The following PTPRD variants were observed in gnomAD, a reference collection of about 807,000 sequenced individuals.
PTPRD encodes the protein protein tyrosine phosphatase receptor type D, also known as receptor-type tyrosine-protein phosphatase delta.
In PTPRD, 34 loss-of-function variants were observed where a neutral mutation model predicts 214.5. The ratio of observed to expected loss-of-function variants is 0.16; its 90% CI spans 0.12 to 0.21. The LOEUF is 0.21. Ranked by LOEUF, PTPRD falls within the 10% of genes least tolerant of loss-of-function variation. The probability of loss-of-function intolerance (pLI) is 1.00; values close to 1 mark genes in which losing one functional copy is unlikely to be tolerated. For missense variants in PTPRD, 2,545 were observed against 2,398.7 expected (o/e 1.06, Z -1.27); for synonymous variants, 1,128 against 845.7 (o/e 1.33, Z -5.79).
At chr9:9,496,013 G>T (rs2096169271) in intron 8 of PTPRD, among the ~76,000 whole-genome samples, 1 of 152,126 alleles carries the variant, frequency 6.6e-6, no homozygotes, top group Non-Finnish European at 1.5e-5. Flanking sequence ...CAGCTGGCTG[G>T]ATCCTACACT....
chr9:10,506,948 T>C (rs1193301011), intron 2 of PTPRD, among the ~76,000 whole-genome samples: 1 of 152,100 alleles, frequency 6.6e-6, no homozygotes, highest in Non-Finnish European at 1.5e-5. Context: ...TCCTGCCTGA[T>C]TGCCCTGGCC....
chr9:9,615,514 C>A (rs2094806837), intron 7 of PTPRD, among the ~76,000 whole-genome samples: 1 of 152,126 alleles, frequency 6.6e-6, no homozygotes, highest in South Asian at 2.1e-4. Context: ...CTTAGGTTGC[C>A]ATATAAAATT....
intron 4 of PTPRD, among the ~76,000 whole-genome samples, chr9:9,961,118 A>T (rs919369267): frequency 6.6e-6 from 1 of 152,176 alleles, no homozygotes; most frequent in Non-Finnish European, 1.5e-5. Context: ...ACTAGGTTAA[A>T]TGAATTACTG....
At chr9:8,923,261 C>T (rs938447518) in intron 11 of PTPRD, among the ~76,000 whole-genome samples, 7 of 151,930 alleles carry the variant, frequency 4.6e-5, no homozygotes, top group African/African-American at 1.7e-4. Flanking sequence ...AGGCTGGTCT[C>T]GAACTCCTGA....
At chr9:8,411,638 C>G (rs1373290641) in intron 35 of PTPRD, among the ~76,000 whole-genome samples, 1 of 152,148 alleles carries the variant, frequency 6.6e-6, no homozygotes, top group Non-Finnish European at 1.5e-5. Flanking sequence ...AAACATTTTC[C>G]TGAATATTAC....
chr9:8,986,376 C>A (rs1018781643), intron 11 of PTPRD, among the ~76,000 whole-genome samples: 1 of 151,872 alleles, frequency 6.6e-6, no homozygotes. Flanking sequence ...AACAGAACCA[C>A]TAAAATACAA....
At chr9:9,068,144 G>A (rs1024902666) in intron 10 of PTPRD, among the ~76,000 whole-genome samples, 61 of 151,478 alleles carry the variant, frequency 4.0e-4, no homozygotes, top group African/African-American at 1.4e-3. Context: ...TAATTTTCTC[G>A]AGATTCATCC....
intron 14 of PTPRD, among the ~76,000 whole-genome samples, chr9:8,545,072 A>G (rs1343472486): frequency 6.6e-6 from 1 of 151,838 alleles, no homozygotes; most frequent in African/African-American, 2.4e-5. Flanking sequence ...AGCACACACA[A>G]TCGTAGTTTT....
intron 2 of PTPRD, among the ~76,000 whole-genome samples, chr9:10,429,102 A>G (rs1029725742): frequency 1.3e-5 from 2 of 152,080 alleles, no homozygotes; most frequent in African/African-American, 4.8e-5. Context: ...AAATTTATCT[A>G]GAACTAGAAA....
intron 2 of PTPRD, among the ~76,000 whole-genome samples, chr9:10,486,358 T>A (rs11506310): frequency 0.26 from 39,157 of 152,070 alleles, 5,637 homozygotes; most frequent in Non-Finnish European, 0.32. Context: ...AATTTTTGTA[T>A]AAGGTATAAG....
At chr9:10,337,634 T>A (rs1171066362) in intron 3 of PTPRD, among the ~76,000 whole-genome samples, 1 of 151,758 alleles carries the variant, frequency 6.6e-6, no homozygotes, top group Non-Finnish European at 1.5e-5. Context: ...ATTAAAACAA[T>A]GCTTAAGTCA....
At chr9:10,190,414 AAAAAAAC>A (rs1564422118) in intron 3 of PTPRD, among the ~76,000 whole-genome samples, 10 of 76,830 alleles carry the variant, frequency 1.3e-4, no homozygotes, top group African/African-American at 7.4e-4. Context: ...AAAAAAAAAA[AAAAAAAC>A]AAAAAGTCAA....
intron 7 of PTPRD, among the ~76,000 whole-genome samples, chr9:9,645,797 G>A (rs1056236041): frequency 1.3e-5 from 2 of 151,636 alleles, no homozygotes; most frequent in African/African-American, 4.8e-5. Context: ...TCTTTCTCCT[G>A]AATAATTTAA....
At chr9:9,599,750 C>T (rs1049594793) in intron 7 of PTPRD, among the ~76,000 whole-genome samples, 2 of 151,902 alleles carry the variant, frequency 1.3e-5, no homozygotes, top group Admixed American at 6.6e-5. Flanking sequence ...AACACTGGCA[C>T]ATCTCTATTA....
chr9:10,425,599 C>T (rs949605664), intron 2 of PTPRD, among the ~76,000 whole-genome samples: 1 of 151,952 alleles, frequency 6.6e-6, no homozygotes, highest in Non-Finnish European at 1.5e-5. Flanking sequence ...AAACAAAATG[C>T]TAATCATCTC....
At chr9:10,084,309 T>C (rs904372479) in intron 3 of PTPRD, among the ~76,000 whole-genome samples, 2 of 152,016 alleles carry the variant, frequency 1.3e-5, no homozygotes, top group African/African-American at 2.4e-5. Context: ...TCTGTAATGT[T>C]AGTTACTATG....
chr9:9,947,594 ATAATATATATATTTT>A (rs1231363216), intron 4 of PTPRD, among the ~76,000 whole-genome samples: 30 of 47,014 alleles, frequency 6.4e-4, no homozygotes, highest in Non-Finnish European at 9.6e-4. Flanking sequence ...TATTATATAT[ATAATATATATATTTT>A]ATATATATAT....
At chr9:9,769,046 A>G (rs1310594932) in intron 5 of PTPRD, among the ~76,000 whole-genome samples, 1 of 152,068 alleles carries the variant, frequency 6.6e-6, no homozygotes, top group Non-Finnish European at 1.5e-5. Context: ...TTACTATTTA[A>G]GATTGGTTTA....
At chr9:9,939,981 C>G (rs569953145) in intron 4 of PTPRD, among the ~76,000 whole-genome samples, 18 of 152,120 alleles carry the variant, frequency 1.2e-4, no homozygotes, top group African/African-American at 4.1e-4. Flanking sequence ...ATAATAACTT[C>G]CTGAATATGG....
Sources: allele counts gnomAD v4.1 joint callset (sites outside exome capture counted in the v4.1 genomes callset), GRCh38; gene constraint gnomAD v4.1.1; transcripts MANE v1.5; gene names NCBI Gene and HGNC (gene_info 2026-07-23, HGNC 2026-07-21).